The following EPHA2 variants were observed in gnomAD, a reference collection of about 807,000 sequenced individuals.
The protein encoded by EPHA2 is EPH receptor A2.
EPHA2 carries 54 observed loss-of-function variants against 104.9 expected under a neutral mutation model. The ratio of observed to expected loss-of-function variants is 0.51; its 90% confidence interval spans 0.41 to 0.65. EPHA2 has a LOEUF of 0.65. Ranked by LOEUF, EPHA2 falls within the 30% of genes least tolerant of loss-of-function variation. The pLI, the probability that EPHA2 is intolerant of heterozygous loss-of-function variation, is 0.00. For synonymous variants in EPHA2, 560 were observed against 559.1 expected (o/e 1.00, Z -0.02); for missense variants, 1,117 against 1,369.5 (o/e 0.82, Z 2.91).
chr1:16,153,066 A>G (rs2025073791), intron 1 of EPHA2: 1 of 958,260 alleles, frequency 1.0e-6, no homozygotes, highest in Non-Finnish European at 1.2e-6. Flanking sequence ...CTTCCTGGAG[A>G]GGCTTAGGCT....
chr1:16,136,719 G>GAA (rs2024707710), intron 5 of EPHA2, among the ~76,000 whole-genome samples: 1 of 116,942 alleles, frequency 8.6e-6, no homozygotes, highest in Non-Finnish European at 1.8e-5. Context: ...AAGAAAAGAA[G>GAA]AAGAAGAAGA....
rs760413072 is a variant in EPHA2 at position 16,137,842 on chromosome 1, C to A, written c.1312+11G>T. 5.0e-6 allele frequency: 8 copies of A among 1,613,474 alleles called. No individual in the cohort carries two copies. The Middle Eastern group carries it at 1.2e-3, about 233-fold the overall frequency. On this transcript the variant is annotated intron_variant, in intron 5 of 16. Transcript: ENST00000358432. ...GCCCCATAGGGCACAGCTGCCACCC[C>A]TGGACCTCACCTGTCTGGTTGATGC...
chr1:16,135,689 C>G lies in EPHA2; in HGVS notation c.1394G>C (p.Arg465Pro). Residue 465 changes from arginine to proline, a missense_variant, in exon 6 of 17, where the codon CGA becomes CCA. By Grantham distance (103) the Arg-to-Pro change is moderately radical (BLOSUM62 -2). Transcript: ENST00000358432. This position sits in a 1 kb window ranked among gnomAD's most constrained non-coding sequence, Gnocchi z 4.3. ...GTAAGTGACCTCGTACTTCCACACT[C>G]GGCTCTGCTGCGGCGGGGGGATGCT... The part of the protein sequence containing the change: ...SWSIPPPQQS[R>P]VWKYEVTYRK... 1 of 1,613,906 alleles carries G rather than the reference C, an allele frequency of 6.2e-7. No homozygotes were observed. Among genetic ancestry groups the G allele is most frequent in the Non-Finnish European group, 8.5e-7 (1 of 1,180,010 alleles).
In EPHA2 at chr1:16,140,725, TCTC is replaced by T. The variant is rs367798373; in HGVS notation, c.824-2298_824-2296del. 4.5e-4 allele frequency among the ~76,000 whole-genome samples: 68 copies of T among 152,140 alleles called. 1 individual carries two copies. The East Asian group carries it at 0.012, about 28-fold the overall frequency. On this transcript the variant is annotated intron_variant, in intron 3 of 16. Transcript: ENST00000358432. Reference sequence around the variant, plus strand: ...CCTCCGCCTCCTGGGTTCAAGCAATTCTCCTGCCTCAGCCTCCTGAGTAGCTGG... The same window carrying T: ...CCTCCGCCTCCTGGGTTCAAGCAATTCTGCCTCAGCCTCCTGAGTAGCTGG...
At position 16,154,656 on chromosome 1, in the gene EPHA2, T is replaced by C. The variant is rs558720172; in HGVS notation, c.85+1192A>G. Among the ~76,000 whole-genome samples the C allele has an allele frequency of 2.0e-3, 286 of 143,310 alleles. 3 individuals carry two copies. Among genetic ancestry groups the C allele is most frequent in the African/African-American group, 7.2e-3 (276 of 38,498 alleles). 94.0% of individuals were successfully genotyped at this position (143,310 alleles called of 152,430 possible). ...TGTAATCCCAGCTACTAGGGAGGCTTGAGACAGGAGAATAGCTTGAACCCG... is the reference window on the plus strand; with the variant it reads ...TGTAATCCCAGCTACTAGGGAGGCTCGAGACAGGAGAATAGCTTGAACCCG... On this transcript the variant is annotated intron_variant, in intron 1 of 16. Coordinates refer to ENST00000358432, the MANE Select transcript of EPHA2 (RefSeq NM_004431.5).
At chr1:16,140,613 T>C (rs1347021145) in intron 3 of EPHA2, among the ~76,000 whole-genome samples, 1 of 152,154 alleles carries the variant, frequency 6.6e-6, no homozygotes, top group Non-Finnish European at 1.5e-5. Flanking sequence ...CACTCCTTTT[T>C]CATTATTTAT....
chr1:16,148,259 A>G lies in EPHA2; in HGVS notation c.823+119T>C. 1.6e-6 allele frequency: 2 copies of G among 1,282,928 alleles called. No homozygotes were observed. Among genetic ancestry groups the G allele is most frequent in the Non-Finnish European group, 2.2e-6 (2 of 894,262 alleles). 79.5% of individuals were successfully genotyped at this position (1,282,928 alleles called of 1,614,324 possible). A position where few individuals can be genotyped will look rare whatever the true frequency, so the allele number is the denominator to read the frequency against. ...TGGGAAGGATCTATAATTTCCACTA[A>G]CAGAACTAATGTGTGTCAAAGCAGG... On this transcript the variant is annotated intron_variant, in intron 3 of 16. Transcript: ENST00000358432. This position sits in a 1 kb window ranked among gnomAD's most constrained non-coding sequence, Gnocchi z 4.9.
At chr1:16,137,439 A>G (rs868787784) in intron 5 of EPHA2, among the ~76,000 whole-genome samples, 1 of 152,046 alleles carries the variant, frequency 6.6e-6, no homozygotes, top group African/African-American at 2.4e-5. Flanking sequence ...TCTCCTAAAA[A>G]TACAAAAAAT....
In EPHA2 at chr1:16,131,967, T is replaced by C. The variant is rs1570398765; in HGVS notation, c.2325+97A>G. ...CGACCCCTCCCTGGACTCCTACAGGTGTTCTGCCTCCTGAAGCACTGCCCA... is the reference window on the plus strand; with the variant it reads ...CGACCCCTCCCTGGACTCCTACAGGCGTTCTGCCTCCTGAAGCACTGCCCA... On this transcript the variant is annotated intron_variant, in intron 13 of 16. Coordinates refer to ENST00000358432, the MANE Select transcript of EPHA2 (RefSeq NM_004431.5). This position sits in a 1 kb window ranked among gnomAD's most constrained non-coding sequence, Gnocchi z 5.2. 1 of 1,604,668 alleles carries C rather than the reference T, an allele frequency of 6.2e-7. No homozygotes were observed. The highest frequency in any genetic ancestry group is 2.2e-5 in the East Asian group (1 of 44,586).
At chr1:16,138,564 C>G in intron 3 of EPHA2, 134 bp from the exon 4 acceptor site, 1 of 1,333,438 alleles carries the variant, frequency 7.5e-7, no homozygotes, top group African/African-American at 1.4e-5. Context: ...CCTGTTTTCT[C>G]ATCGGCAAAA....
At chr1:16,142,690 G>A (rs1381725978) in intron 3 of EPHA2, among the ~76,000 whole-genome samples, 2 of 147,918 alleles carry the variant, frequency 1.4e-5, no homozygotes, top group African/African-American at 2.5e-5. Context: ...GGATGGATGG[G>A]TGGGTGGGTG....
chr1:16,147,703 C>T lies in EPHA2; in HGVS notation c.823+675G>A, dbSNP rs1017654449. Reference sequence around the variant, plus strand: ...TATCACAGCCACCCTACGAGATAGACGCTATGATCCTCTCCATTTTACAGA... The same window carrying T: ...TATCACAGCCACCCTACGAGATAGATGCTATGATCCTCTCCATTTTACAGA... On this transcript the variant is annotated intron_variant, in intron 3 of 16. Coordinates refer to ENST00000358432, the MANE Select transcript of EPHA2 (RefSeq NM_004431.5). 3.3e-5 allele frequency among the ~76,000 whole-genome samples: 5 copies of T among 150,766 alleles called. No homozygotes were observed. The South Asian group carries it at 6.3e-4, about 19-fold the overall frequency.
intron 15 of EPHA2, 133 bp from the exon 16 acceptor site, chr1:16,129,722 A>G (rs1043369166): frequency 8.2e-7 from 1 of 1,216,050 alleles, no homozygotes; most frequent in Non-Finnish European, 1.1e-6. Flanking sequence ...GCAACAGGGA[A>G]GCCCAGTCAA....
rs2024660813 is a variant in EPHA2, at chr1:16,135,230, AG to A, written c.1429-42del. 4.3e-6 allele frequency: 7 copies of A among 1,611,946 alleles called. No individual in the cohort carries two copies. Among genetic ancestry groups the A allele is most frequent in the Non-Finnish European group, 5.9e-6 (7 of 1,179,602 alleles). ...CGGCGGAGGAGCAGGCAGTGAGGGC[AG>A]GGCAGGGGCCTCGGCTCAGCCCGCT... On this transcript the variant is annotated intron_variant, in intron 6 of 16. Coordinates refer to ENST00000358432, the MANE Select transcript of EPHA2 (RefSeq NM_004431.5). The surrounding 1 kb of genome is among the most constrained non-coding windows in gnomAD (Gnocchi z 4.3).
In EPHA2 at chr1:16,135,594, T is replaced by C. The variant is rs775206445; in HGVS notation, c.1428+61A>G. On this transcript the variant is annotated intron_variant, in intron 6 of 16. Transcript: ENST00000358432. This position sits in a 1 kb window ranked among gnomAD's most constrained non-coding sequence, Gnocchi z 4.3. ...CTGGGTGGTTTGGTGATCATCTATG[T>C]GACCAGCCTGTCCCCTGCTGTCGGC... 8.0e-6 allele frequency: 12 copies of C among 1,493,530 alleles called. No homozygotes were observed. Among genetic ancestry groups the C allele is most frequent in the Admixed American group, 1.7e-5 (1 of 59,834 alleles). The allele number at this position is 1,493,530 out of a possible 1,614,324, so 92.5% of individuals were successfully genotyped here. A position where few individuals can be genotyped will look rare whatever the true frequency, so the allele number is the denominator to read the frequency against.
chr1:16,137,955 G>C lies in EPHA2; in HGVS notation c.1210C>G (p.Pro404Ala), dbSNP rs1181387702. ...RTSVTVSDLE[P>A]HMNYTFTVEA... ...ACGGTGAAGGTGTAGTTCATGTGGG[G>C]CTCCAGGTCGCTCACTGTCACACTG... is the stretch of plus-strand genomic sequence containing the variant. Residue 404 changes from proline to alanine, a missense_variant, in exon 5 of 17, where the codon CCC becomes GCC. Around this residue, in one of 3 missense-constraint regions of EPHA2, gnomAD observed 664 missense variants for 784.8 expected, o/e 0.85. Coordinates refer to ENST00000358432, the MANE Select transcript of EPHA2 (RefSeq NM_004431.5). 1.9e-6 allele frequency: 3 copies of C among 1,614,156 alleles called. No homozygotes were observed. The highest frequency in any genetic ancestry group is 4.5e-5 in the East Asian group (2 of 44,884).
At chr1:16,153,818 C>A (rs1303850616) in intron 1 of EPHA2, among the ~76,000 whole-genome samples, 1 of 152,112 alleles carries the variant, frequency 6.6e-6, no homozygotes, top group East Asian at 1.9e-4. Context: ...CTCCTGCCTG[C>A]CCCCTAAGCC....
chr1:16,138,468 G>T, intron 3 of EPHA2, 38 bp from the exon 4 acceptor site: 5 of 1,612,598 alleles, frequency 3.1e-6, no homozygotes, highest in Non-Finnish European at 3.4e-6. Context: ...AAGGACATCA[G>T]TTCAATCTGC....
In EPHA2 at chr1:16,148,482, C is replaced by A. The variant is rs762021717; in HGVS notation, c.719G>T (p.Gly240Val). 1 of 1,613,570 alleles carries A rather than the reference C, an allele frequency of 6.2e-7. No homozygotes were observed. Among genetic ancestry groups the A allele is most frequent in the African/African-American group, 1.3e-5 (1 of 74,958 alleles). ...CVDHAVVPPGGEEPRMHCAVD... is the reference protein window; with the variant it reads ...CVDHAVVPPGVEEPRMHCAVD... ...TGCACAGTGCATACGGGGCTCTTCA[C>A]CCCCCGGTGGCACCACGGCATGGTC... The change falls in exon 3 of 17, where the codon GGT becomes GTT. Residue 240 changes from glycine (G) to valine (V), a missense_variant. Physicochemically the swap from Gly to Val is moderately radical, Grantham distance 109. Around this residue, in one of 3 missense-constraint regions of EPHA2, gnomAD observed 664 missense variants for 784.8 expected, o/e 0.85. Coordinates refer to ENST00000358432, the MANE Select transcript of EPHA2 (RefSeq NM_004431.5). This position sits in a 1 kb window ranked among gnomAD's most constrained non-coding sequence, Gnocchi z 4.9.
Sources: allele counts gnomAD v4.1 joint callset (sites outside exome capture counted in the v4.1 genomes callset), GRCh38; gene constraint gnomAD v4.1.1; regional missense constraint gnomAD v4.1.1; non-coding constraint Gnocchi (gnomAD v3.1); transcripts MANE v1.5; gene names NCBI Gene and HGNC (gene_info 2026-07-23, HGNC 2026-07-21).